Variants in TAF1D observed in about 807,000 individuals in gnomAD.
TAF1D encodes TATA-box binding protein associated factor, RNA polymerase I subunit D.
A neutral mutation model predicts 26.2 loss-of-function variants in TAF1D; 23 were observed. That is an observed-to-expected ratio of 0.88 (90% confidence interval 0.63 to 1.25). The LOEUF is 1.25. Among genes scored for constraint, TAF1D ranks in the 50% most tolerant of loss-of-function variants. TAF1D has a pLI of 0.00. For synonymous variants in TAF1D, 100 were observed against 105.6 expected (o/e 0.95, Z 0.33); for missense variants, 299 against 322.0 (o/e 0.93, Z 0.55).
chr11:93,737,376 T>C (rs1941015216), intron 3 of TAF1D, 137 bp from the exon 4 acceptor site: 2 of 514,468 alleles, frequency 3.9e-6, no homozygotes, highest in Non-Finnish European at 6.8e-6. Context: ...ACTTGTGGAC[T>C]TATCAAATGC....
At chr11:93,732,509 GAACTGTACAACTCGTATTCCCA>G (rs1436744326), downstream of TAF1D, 2 of 505,750 alleles carry the variant, frequency 4.0e-6, no homozygotes, top group Non-Finnish European at 7.9e-6. Context: ...AATTATGACT[GAACTGTACAACTCGTATTCCCA>G]AATTTGCAAT....
At chr11:93,733,691 G>C (rs760841322), downstream of TAF1D, 17 of 454,052 alleles carry the variant, frequency 3.7e-5, no homozygotes, top group Non-Finnish European at 6.9e-5. Context: ...CTTGAGCCCA[G>C]GGGTTCGAGG....
chr11:93,739,260 A>T lies in TAF1D; in HGVS notation c.45T>A (p.Asp15Glu), dbSNP rs745463926. The change falls in exon 2 of 6, where the codon GAT (aspartate) becomes GAA (glutamate). Residue 15 changes from aspartate to glutamate, a missense_variant. Physicochemically the swap from Asp to Glu is conservative, Grantham distance 45. Coordinates refer to ENST00000448108, the MANE Select transcript of TAF1D (RefSeq NM_024116.4). ...GIDSLDHVTS[D>E]AVELANRSDN... Reference sequence around the variant, plus strand: ...ACCTTCGATTTGCAAGTTCCACAGCATCAGATGTCACATGGTCAAGAGAAT... The same window carrying T: ...ACCTTCGATTTGCAAGTTCCACAGCTTCAGATGTCACATGGTCAAGAGAAT... The T allele has an allele frequency of 5.0e-6, 8 of 1,613,060 alleles. No individual in the cohort carries two copies. The highest frequency in any genetic ancestry group is 1.7e-5 in the Admixed American group (1 of 59,752).
At chr11:93,737,360 C>A (rs966094154) in intron 3 of TAF1D, 121 bp from the exon 4 acceptor site, 1 of 601,892 alleles carries the variant, frequency 1.7e-6, no homozygotes, top group Non-Finnish European at 2.9e-6. Flanking sequence ...ATCTTAACTA[C>A]TCCCCACTTG....
downstream of TAF1D, chr11:93,734,794 G>A: frequency 1.6e-6 from 2 of 1,241,508 alleles, no homozygotes; most frequent in Non-Finnish European, 2.1e-6. Context: ...TTTTTCTTAA[G>A]AGACAGGGTC....
exon 12 of TAF1D, chr11:93,730,511 C>A: frequency 1.4e-6 from 1 of 711,800 alleles, no homozygotes; most frequent in Non-Finnish European, 2.6e-6. Flanking sequence ...TGGATTATTA[C>A]GTTTTATATC....
chr11:93,739,707 T>G (rs1941415474), intron 1 of TAF1D, among the ~76,000 whole-genome samples: 2 of 152,140 alleles, frequency 1.3e-5, no homozygotes, highest in South Asian at 4.1e-4. Context: ...AAGGGGGAAT[T>G]CCTAAAGCAA....
At chr11:93,733,637 G>T (rs544455411), downstream of TAF1D, 5 of 500,644 alleles carry the variant, frequency 1.0e-5, no homozygotes, top group Admixed American at 1.1e-4. Flanking sequence ...AAAGACACAG[G>T]ATCTGCCATG....
rs751634668 is a variant in TAF1D at position 93,737,258 on chromosome 11, A to AT, written c.460-20dup. 2 of 1,547,874 alleles carry AT rather than the reference A, an allele frequency of 1.3e-6. No homozygotes were observed. Among genetic ancestry groups the AT allele is most frequent in the Admixed American group, 2.0e-5 (1 of 50,696 alleles). ...CAGCTTGCTATATATTAAAAACACC[A>AT]TAAGTATGTCGAGATTTTATTTTTA... is the stretch of plus-strand genomic sequence containing the variant. On this transcript the variant is annotated intron_variant, in intron 3 of 5. Transcript: ENST00000448108.
chr11:93,738,529 T>C lies in TAF1D; in HGVS notation c.69-30A>G, dbSNP rs1298076102. 4 of 1,525,890 alleles carry C rather than the reference T, an allele frequency of 2.6e-6. No homozygotes were observed. In the East Asian group the frequency reaches 6.8e-5, roughly 26 times the overall value. 94.5% of individuals were successfully genotyped at this position (1,525,890 alleles called of 1,614,324 possible). A position where few individuals can be genotyped will look rare whatever the true frequency, so the allele number is the denominator to read the frequency against. ...AAAAATGGGAAAAAAATTAATTTCA[T>C]CTTCTTTTCTTACTGCTTATTACCA... On this transcript the variant is annotated intron_variant, in intron 2 of 5. Transcript: ENST00000448108.
Position 93,736,247 on chromosome 11 carries a change from C to A in TAF1D, c.751G>T (p.Glu251Ter), listed in dbSNP as rs150716924. 552 of 1,613,210 alleles carry A rather than the reference C, an allele frequency of 3.4e-4. No homozygotes were observed. Among genetic ancestry groups the A allele is most frequent in the Non-Finnish European group, 4.2e-4 (500 of 1,179,764 alleles). ...GCAGCTTCTTCAGTAATATCCTCTTCTTCTAAGTATACACTCAGTCTTACA... is the reference window on the plus strand; with the variant it reads ...GCAGCTTCTTCAGTAATATCCTCTTATTCTAAGTATACACTCAGTCTTACA... ...FPVRLSVYLE[E>*]EDITEEAALS... The change falls in exon 6 of 6, where the codon GAA becomes TAA. Residue 251 changes from glutamate (E) to a stop codon, truncating the protein, a stop_gained. Transcript: ENST00000448108. LOFTEE classifies it low-confidence loss of function (END_TRUNC).
chr11:93,739,193 T>G, intron 2 of TAF1D, 44 bp downstream of exon 2: 1 of 1,452,166 alleles, frequency 6.9e-7, no homozygotes, highest in Non-Finnish European at 9.5e-7. Context: ...TATACAATAG[T>G]TTCTCATAAT....
intron 1 of TAF1D, 72 bp from the exon 2 acceptor site, chr11:93,739,403 C>T: frequency 1.0e-6 from 1 of 979,450 alleles, no homozygotes; most frequent in Non-Finnish European, 1.5e-6. Flanking sequence ...CAGTGTTGAA[C>T]GTGGTCAGAC....
chr11:93,732,274 G>A (rs1007052149), downstream of TAF1D: 24 of 489,380 alleles, frequency 4.9e-5, no homozygotes, highest in African/African-American at 4.5e-4. Flanking sequence ...GGATCTACCT[G>A]GTTCTCAATT....
At chr11:93,730,464 T>C in exon 12 of TAF1D, 1 of 745,480 alleles carries the variant, frequency 1.3e-6, no homozygotes, top group South Asian at 1.4e-5. Context: ...AAGAGAAATT[T>C]TGATTAACCT....
intron 4 of TAF1D, 122 bp from the exon 5 acceptor site, chr11:93,736,873 ATTTTGTG>A: frequency 8.0e-7 from 1 of 1,251,702 alleles, no homozygotes; most frequent in Non-Finnish European, 1.1e-6. Flanking sequence ...AAATTTGAGA[ATTTTGTG>A]TTCTGGAGAA....
rs1361704388 is a variant in TAF1D, at chr11:93,741,467, G to C, written c.-173C>G. ...GCCCTCCAACTCCCGATAACCAGCC[G>C]ACCTCCTCCAACCGTGCGGAAGAAA... On this transcript the variant is annotated 5_prime_UTR_variant, in exon 1 of 6. Transcript: ENST00000448108. 1 of 456,168 alleles carries C rather than the reference G, an allele frequency of 2.2e-6. No individual in the cohort carries two copies. The highest frequency in any genetic ancestry group is 7.0e-5 in the East Asian group (1 of 14,372). The allele number at this position is 456,168 out of a possible 1,614,324, so 28.3% of individuals were successfully genotyped here.
chr11:93,731,404 C>G, downstream of TAF1D: 1 of 472,674 alleles, frequency 2.1e-6, no homozygotes, highest in Non-Finnish European at 4.2e-6. Context: ...ATCCCATGCC[C>G]ATTCATATCC....
chr11:93,740,019 A>T (rs1268315416), intron 1 of TAF1D, among the ~76,000 whole-genome samples: 1 of 151,366 alleles, frequency 6.6e-6, no homozygotes, highest in Non-Finnish European at 1.5e-5. Context: ...AAGAAAAAAG[A>T]AAAACAGGTT....
Sources: gnomAD v4.1 joint callset for allele counts (sites outside exome capture counted in the v4.1 genomes callset) on GRCh38, gnomAD v4.1.1 for gene constraint, MANE v1.5 for transcripts, NCBI Gene and HGNC (gene_info 2026-07-23, HGNC 2026-07-21) for gene names.